Variants in BPTF observed in about 807,000 individuals in gnomAD.
BPTF encodes the protein nucleosome-remodeling factor subunit BPTF.
Under a neutral mutation model 292.5 loss-of-function variants are expected in BPTF, and 18 were observed. The ratio of observed to expected loss-of-function variants is 0.06; its 90% CI spans 0.04 to 0.09. The LOEUF (loss-of-function observed/expected upper bound fraction) is 0.09. Among genes scored for constraint, BPTF ranks in the 10% least tolerant of loss-of-function variants. The pLI, the probability that BPTF is intolerant of heterozygous loss-of-function variation, is 1.00. For missense variants in BPTF, 2,726 were observed against 3,498.7 expected (o/e 0.78, Z 5.57); for synonymous variants, 1,225 against 1,251.9 (o/e 0.98, Z 0.45).
chr17:67,959,825 G>A lies in BPTF; in HGVS notation c.8211G>A (p.Lys2737=), dbSNP rs782546126. Residue 2737 remains lysine, a synonymous_variant, in exon 24 of 28, where the codon AAG becomes AAA. Coordinates refer to ENST00000306378, the MANE Select transcript of BPTF (RefSeq NM_182641.4). The stretch of plus-strand genomic sequence containing the variant: ...TCTCTACTACCTCAAAGGAAACTAA[G>A]AAGGACACAAAGCTTTACTGTATCT... ...KMISTTSKET[K]KDTKLYCICK... The A allele has an allele frequency of 1.9e-6, 3 of 1,613,566 alleles. No individual in the cohort carries two copies. The Admixed American group carries it at 5.0e-5, about 27-fold the overall frequency.
chr17:67,865,095 T>G (rs2059321822), intron 2 of BPTF, among the ~76,000 whole-genome samples: 1 of 152,168 alleles, frequency 6.6e-6, no homozygotes, highest in Non-Finnish European at 1.5e-5. Flanking sequence ...TATGAGCCAC[T>G]GTGCCCAGCC....
intron 27 of BPTF, among the ~76,000 whole-genome samples, chr17:67,980,066 C>T (rs782675372): frequency 3.3e-5 from 5 of 151,662 alleles, no homozygotes; most frequent in African/African-American, 1.2e-4. Context: ...CTACCCAGGC[C>T]GGGTGTGGTG....
At chr17:67,896,119 T>C (rs544836273) in intron 7 of BPTF, among the ~76,000 whole-genome samples, 12 of 152,204 alleles carry the variant, frequency 7.9e-5, no homozygotes, top group African/African-American at 2.2e-4. Flanking sequence ...CCCACCACTA[T>C]GCCCAGCTAA....
At chr17:67,923,130 A>G (rs1217156791) in intron 14 of BPTF, 140 bp downstream of exon 14, 1 of 972,712 alleles carries the variant, frequency 1.0e-6, no homozygotes, top group Non-Finnish European at 1.5e-6. Context: ...ATCTTGGCTC[A>G]CTGCAACCTC....
intron 3 of BPTF, among the ~76,000 whole-genome samples, chr17:67,870,766 C>CTTTTTTTTTT (rs11418428): frequency 1.1e-4 from 12 of 106,394 alleles, no homozygotes; most frequent in African/African-American, 2.2e-4. Context: ...TGCTTCATTT[C>CTTTTTTTTTT]TTTTTTTTTT....
At position 67,945,573 on chromosome 17, in the gene BPTF, G is replaced by GCTCAGCCTGAAGTTCAGA. The variant is rs781943191; in HGVS notation, c.6885_6902dup (p.Pro2297_Gln2302dup). On this transcript the variant is annotated inframe_insertion, in exon 21 of 28. Transcript: ENST00000306378. Reference sequence around the variant, plus strand: ...GCCCCAAACCCAGCCCCAGTCCCCAGCTCAGCCTGAAGTTCAGACTCAGCC... The same window carrying GCTCAGCCTGAAGTTCAGA: ...GCCCCAAACCCAGCCCCAGTCCCCAGCTCAGCCTGAAGTTCAGACTCAGCCTGAAGTTCAGACTCAGCC... The GCTCAGCCTGAAGTTCAGA allele has an allele frequency of 5.0e-6, 8 of 1,610,598 alleles. No individual in the cohort carries two copies. The African/African-American group carries it at 9.4e-5, about 19-fold the overall frequency.
chr17:67,855,099 G>C (rs1432776192), intron 2 of BPTF, among the ~76,000 whole-genome samples: 1 of 152,114 alleles, frequency 6.6e-6, no homozygotes, highest in South Asian at 2.1e-4. Context: ...TTGAGAGTTC[G>C]AGACCAGCCT....
chr17:67,952,682 A>G (rs1417483404), intron 23 of BPTF, among the ~76,000 whole-genome samples: 3 of 152,210 alleles, frequency 2.0e-5, no homozygotes, highest in Non-Finnish European at 4.4e-5. Flanking sequence ...GTTAGAATTA[A>G]TGAGCCAATA....
In BPTF at chr17:67,945,759, A is replaced by G. The variant is rs1555674629; in HGVS notation, c.7051A>G (p.Ile2351Val). 3 of 1,614,166 alleles carry G rather than the reference A, an allele frequency of 1.9e-6. No homozygotes were observed. The highest frequency in any genetic ancestry group is 3.3e-5 in the Admixed American group (2 of 60,000). ...VRVQSPSQTR[I>V]RPSTPSQLSP... ...TGTCCAAAGTCCATCACAGACTCGA[A>G]TACGTCCATCAACTCCATCCCAACT... The change falls in exon 21 of 28, where the codon ATA (isoleucine) becomes GTA (valine). Residue 2351 changes from isoleucine (I) to valine (V), a missense_variant. Ile to Val is a conservative substitution (Grantham distance 29). Around this residue, in one of 22 missense-constraint regions of BPTF, gnomAD observed 570 missense variants for 633.5 expected, o/e 0.90. Coordinates refer to ENST00000306378, the MANE Select transcript of BPTF (RefSeq NM_182641.4).
At chr17:67,978,131 G>A (rs1414108878) in intron 27 of BPTF, among the ~76,000 whole-genome samples, 1 of 151,332 alleles carries the variant, frequency 6.6e-6, no homozygotes, top group Non-Finnish European at 1.5e-5. Context: ...TGGGATTACG[G>A]GCGTGAGCCA....
intron 26 of BPTF, among the ~76,000 whole-genome samples, chr17:67,967,609 T>G (rs2068267659): frequency 6.6e-6 from 1 of 151,834 alleles, no homozygotes; most frequent in Non-Finnish European, 1.5e-5. Context: ...TCACCTGAGG[T>G]CAGGAGTTCG....
At chr17:67,915,571 A>G (rs974757775) in intron 11 of BPTF, among the ~76,000 whole-genome samples, 14 of 152,056 alleles carry the variant, frequency 9.2e-5, no homozygotes, top group African/African-American at 3.1e-4. Context: ...CTGTACCTCT[A>G]CACCCCTTCC....
intron 1 of BPTF, among the ~76,000 whole-genome samples, chr17:67,843,486 G>A (rs948350093): frequency 3.3e-5 from 5 of 149,670 alleles, no homozygotes; most frequent in East Asian, 2.0e-4. Flanking sequence ...GATTATAGGC[G>A]TACCTGGCCT....
rs770071672 is a variant in BPTF, at chr17:67,912,177, A to C, written c.4293A>C (p.Val1431=). 1 of 1,611,834 alleles carries C rather than the reference A, an allele frequency of 6.2e-7. No individual in the cohort carries two copies. The highest frequency in any genetic ancestry group is 1.3e-5 in the African/African-American group (1 of 74,958). The change falls in exon 11 of 28, where the codon GTA becomes GTC. Residue 1431 remains valine (V), a synonymous_variant. Coordinates refer to ENST00000306378, the MANE Select transcript of BPTF (RefSeq NM_182641.4). ...TGAAAGAAATTTCTGAGAGTAGAGT[A>C]GTAAGTGGTAATGTTGAACCAAAGG... The part of the protein sequence containing the change: ...ECLKEISESR[V]VSGNVEPKVN...
chr17:67,929,319 C>T lies in BPTF; in HGVS notation c.5999-17C>T, dbSNP rs569674768. The T allele has an allele frequency of 1.9e-6, 3 of 1,612,438 alleles. No individual in the cohort carries two copies. The highest frequency in any genetic ancestry group is 1.7e-6 in the Non-Finnish European group (2 of 1,179,286). ...ATAAAGTGATAGTTTTTAATTATGGCTTCATCTTTTTTTAAGGCGTTGTTC... is the reference window on the plus strand; with the variant it reads ...ATAAAGTGATAGTTTTTAATTATGGTTTCATCTTTTTTTAAGGCGTTGTTC... On this transcript the variant is annotated splice_polypyrimidine_tract_variant and intron_variant, in intron 16 of 27. Transcript: ENST00000306378.
chr17:67,879,583 A>G (rs139898036), intron 4 of BPTF, among the ~76,000 whole-genome samples: 213 of 152,312 alleles, frequency 1.4e-3, no homozygotes, highest in African/African-American at 4.8e-3. Context: ...AGGAGTATCT[A>G]AGGCTGGTGG....
intron 11 of BPTF, among the ~76,000 whole-genome samples, chr17:67,916,125 T>C (rs2062967209): frequency 6.6e-6 from 1 of 152,196 alleles, no homozygotes; most frequent in Admixed American, 6.5e-5. Context: ...CTAGTTAACA[T>C]TTCCCCTCTG....
At chr17:67,883,395 AG>A (rs2060547893) in intron 4 of BPTF, among the ~76,000 whole-genome samples, 1 of 152,196 alleles carries the variant, frequency 6.6e-6, no homozygotes, top group Non-Finnish European at 1.5e-5. Context: ...TTTAATTTTT[AG>A]GGATTGTATT....
chr17:67,897,225 C>T (rs771588338), intron 7 of BPTF, among the ~76,000 whole-genome samples: 1 of 150,900 alleles, frequency 6.6e-6, no homozygotes, highest in Non-Finnish European at 1.5e-5. Flanking sequence ...CCTGTAATCC[C>T]AGCTACTCGG....
Sources: allele counts gnomAD v4.1 joint callset (sites outside exome capture counted in the v4.1 genomes callset), GRCh38; gene constraint gnomAD v4.1.1; regional missense constraint gnomAD v4.1.1; transcripts MANE v1.5; gene names NCBI Gene and HGNC (gene_info 2026-07-23, HGNC 2026-07-21).